ZNF451: variants seen among roughly 807,000 people sequenced by gnomAD.
ZNF451 encodes the protein E3 SUMO-protein ligase ZNF451.
ZNF451 carries 80 observed loss-of-function variants against 107.1 expected under a neutral mutation model. The observed-to-expected ratio is 0.75, with a 90% CI of 0.62 to 0.90. The LOEUF (loss-of-function observed/expected upper bound fraction) is 0.90, where lower values mean the gene tolerates loss of function less well. Ranked by LOEUF, ZNF451 falls within the 40% of genes least tolerant of loss-of-function variation. The pLI is 0.00. For synonymous variants in ZNF451, 362 were observed against 406.5 expected (o/e 0.89, Z 1.32); for missense variants, 1,107 against 1,236.2 (o/e 0.90, Z 1.57).
intron 2 of ZNF451, among the ~76,000 whole-genome samples, chr6:57,098,667 G>A (rs1365436083): frequency 1.3e-5 from 2 of 152,180 alleles, no homozygotes; most frequent in East Asian, 1.9e-4. Context: ...CTGCAGTGGT[G>A]GATGATGAAG....
At chr6:57,096,329 C>T (rs1222885820) in intron 2 of ZNF451, among the ~76,000 whole-genome samples, 3 of 150,954 alleles carry the variant, frequency 2.0e-5, no homozygotes, top group Admixed American at 6.6e-5. Flanking sequence ...GAATTAGAGG[C>T]GCCCACCACC....
At chr6:57,131,159 C>A (rs1159180116) in intron 5 of ZNF451, among the ~76,000 whole-genome samples, 3 of 152,070 alleles carry the variant, frequency 2.0e-5, no homozygotes, top group Non-Finnish European at 2.9e-5. Context: ...TAATTCAGTT[C>A]TTTCATTAGA....
intron 3 of ZNF451, chr6:57,109,813 A>C: frequency 4.5e-6 from 3 of 667,114 alleles, no homozygotes; most frequent in Non-Finnish European, 5.6e-6. Flanking sequence ...TGTGTATACA[A>C]TTTTTGATAG....
At chr6:57,151,065 GT>G in intron 11 of ZNF451, 1 of 576,076 alleles carries the variant, frequency 1.7e-6, no homozygotes, top group Non-Finnish European at 2.8e-6. Flanking sequence ...GTGACTCAAA[GT>G]TTATGGATCT....
At chr6:57,097,747 C>G (rs1233089476) in intron 2 of ZNF451, among the ~76,000 whole-genome samples, 1 of 151,980 alleles carries the variant, frequency 6.6e-6, no homozygotes, top group Non-Finnish European at 1.5e-5. Context: ...TTCATACTTC[C>G]CAGATTACAG....
rs1170061841 is a variant in ZNF451 at position 57,147,348 on chromosome 6, A to G, written c.1263A>G (p.Gln421=). ...PSSDLHLLLD[Q]SKFSSLKRTM... Reference sequence around the variant, plus strand: ...CTGACTTGCATTTATTGTTGGATCAATCAAAATTTTCATCACTTAAAAGAA... The same window carrying G: ...CTGACTTGCATTTATTGTTGGATCAGTCAAAATTTTCATCACTTAAAAGAA... The change falls in exon 10 of 15, where the codon CAA becomes CAG. Residue 421 remains glutamine (Q), a synonymous_variant. Coordinates refer to ENST00000370706, the MANE Select transcript of ZNF451 (RefSeq NM_001031623.3). 3.1e-6 allele frequency: 5 copies of G among 1,614,114 alleles called. No homozygotes were observed. The South Asian group carries it at 4.4e-5, about 14-fold the overall frequency.
chr6:57,113,925 G>A (rs529270734), intron 3 of ZNF451, among the ~76,000 whole-genome samples: 9 of 152,164 alleles, frequency 5.9e-5, no homozygotes, highest in East Asian at 3.9e-4. Flanking sequence ...GCGCCCAGCC[G>A]AAAAATTTTT....
At chr6:57,116,296 C>A (rs117665535) in intron 3 of ZNF451, 2 of 151,760 alleles carry the variant, frequency 1.3e-5, no homozygotes, top group South Asian at 4.2e-4. Flanking sequence ...CTGTGGCTTA[C>A]GCCACAGCAC....
At chr6:57,136,861 C>CT (rs1831454457) in intron 7 of ZNF451, among the ~76,000 whole-genome samples, 1 of 152,006 alleles carries the variant, frequency 6.6e-6, no homozygotes, top group African/African-American at 2.4e-5. Flanking sequence ...TTTTGCACTC[C>CT]TTTTTGCCGT....
chr6:57,144,779 A>G (rs1831977591), intron 9 of ZNF451, among the ~76,000 whole-genome samples: 1 of 151,868 alleles, frequency 6.6e-6, no homozygotes, highest in Non-Finnish European at 1.5e-5. Flanking sequence ...AAATACAAAA[A>G]ATTAACCGGG....
chr6:57,156,047 A>G (rs1364899596), intron 13 of ZNF451, among the ~76,000 whole-genome samples: 5 of 151,914 alleles, frequency 3.3e-5, no homozygotes, highest in Non-Finnish European at 7.4e-5. Context: ...TTGTATTTAT[A>G]TGGTTGTAAT....
intron 13 of ZNF451, among the ~76,000 whole-genome samples, chr6:57,156,363 A>T (rs1763425647): frequency 6.6e-6 from 1 of 152,172 alleles, no homozygotes; most frequent in South Asian, 2.1e-4. Context: ...AGCTTTGTGA[A>T]TAGTTGAGTA....
chr6:57,158,846 G>T (rs1184792781), intron 13 of ZNF451: 3 of 985,306 alleles, frequency 3.0e-6, no homozygotes, highest in East Asian at 1.1e-4. Flanking sequence ...CTTCATTGTG[G>T]ATGAGTGGGT....
chr6:57,121,858 T>A (rs2127957394), intron 3 of ZNF451, among the ~76,000 whole-genome samples: 1 of 152,330 alleles, frequency 6.6e-6, no homozygotes, highest in Non-Finnish European at 1.5e-5. Context: ...ATGTCATTTT[T>A]CACAGAAGTA....
chr6:57,124,699 T>G lies in ZNF451; in HGVS notation c.187-35T>G. The G allele has an allele frequency of 2.8e-6, 4 of 1,448,656 alleles. No homozygotes were observed. In the South Asian group the frequency reaches 3.6e-5, roughly 13 times the overall value. 89.7% of individuals were successfully genotyped at this position (1,448,656 alleles called of 1,614,324 possible). ...ATGTATATTATCCAAATGCTAATTTTGTTAAAAGGAATGAAAATTTTTTTC... is the reference window on the plus strand; with the variant it reads ...ATGTATATTATCCAAATGCTAATTTGGTTAAAAGGAATGAAAATTTTTTTC... On this transcript the variant is annotated intron_variant, in intron 3 of 14. Transcript: ENST00000370706.
At chr6:57,159,459 G>A (rs924027588) in intron 13 of ZNF451, 2 of 915,652 alleles carry the variant, frequency 2.2e-6, no homozygotes, top group African/African-American at 1.8e-5. Context: ...CGGGCCACAT[G>A]TGGCCCAGTT....
In ZNF451 at chr6:57,147,167, G is replaced by A. The variant is rs749879563; in HGVS notation, c.1082G>A (p.Arg361Lys). Reference sequence around the variant, plus strand: ...CAGGTTGCAGAGAAATTCATATTAAGAGGTTATTGTCCAGATTGCAATCAA... The same window carrying A: ...CAGGTTGCAGAGAAATTCATATTAAAAGGTTATTGTCCAGATTGCAATCAA... ...ITQVAEKFIL[R>K]GYCPDCNQVF... is the part of the protein sequence containing the mutation. Residue 361 changes from arginine to lysine, a missense_variant, in exon 10 of 15, where the codon AGA (arginine) becomes AAA (lysine). By Grantham distance (26) the Arg-to-Lys change is conservative. This residue lies in a region of ZNF451 where 608 missense variants were observed against 649.2 expected (regional missense o/e 0.94). Transcript: ENST00000370706. 1.2e-6 allele frequency: 2 copies of A among 1,614,046 alleles called. No individual in the cohort carries two copies. The highest frequency in any genetic ancestry group is 2.2e-5 in the South Asian group (2 of 91,074).
At chr6:57,133,871 C>T (rs1831302442) in intron 6 of ZNF451, among the ~76,000 whole-genome samples, 1 of 152,088 alleles carries the variant, frequency 6.6e-6, no homozygotes, top group East Asian at 1.9e-4. Context: ...AGACGTGGCT[C>T]TGCCATGTTG....
chr6:57,144,429 C>T (rs970517446), intron 9 of ZNF451, among the ~76,000 whole-genome samples: 24 of 151,346 alleles, frequency 1.6e-4, no homozygotes, highest in South Asian at 1.0e-3. Context: ...TTTGTAGAGA[C>T]GGGGTTTCAC....
Sources: gnomAD v4.1 joint callset for allele counts (sites outside exome capture counted in the v4.1 genomes callset) on GRCh38, gnomAD v4.1.1 for gene constraint, gnomAD v4.1.1 regional missense constraint, MANE v1.5 for transcripts, NCBI Gene and HGNC (gene_info 2026-07-23, HGNC 2026-07-21) for gene names.